DBH: variants seen among roughly 807,000 people sequenced by gnomAD.
DBH encodes dopamine beta-hydroxylase (dopamine beta-monooxygenase).
Under a neutral mutation model 64.0 loss-of-function variants are expected in DBH, and 49 were observed. The ratio of observed to expected loss-of-function variants is 0.77; its 90% CI spans 0.61 to 0.97. The LOEUF is 0.97. Among genes scored for constraint, DBH ranks in the 50% least tolerant of loss-of-function variants. The pLI is 0.00. For synonymous variants in DBH, 343 were observed against 347.1 expected, an observed-to-expected ratio of 0.99 and a Z score of 0.13; for missense variants, 828 against 826.6, an observed-to-expected ratio of 1.00 and a Z score of -0.02.
At chr9:133,656,458 A>C in intron 9 of DBH, 65 bp from the exon 10 acceptor site, 4 of 1,610,944 alleles carry the variant, frequency 2.5e-6, no homozygotes, top group Non-Finnish European at 3.4e-6. Flanking sequence ...GGTGCGGCGA[A>C]AGCTGCTGGA....
chr9:133,640,565 C>T (rs962472833), intron 2 of DBH, among the ~76,000 whole-genome samples: 2 of 152,258 alleles, frequency 1.3e-5, no homozygotes, highest in African/African-American at 2.4e-5. Flanking sequence ...GCCCCCCAAC[C>T]TCTTAGGGAA....
At chr9:133,656,368 C>T (rs1200222042) in intron 9 of DBH, 155 bp from the exon 10 acceptor site, 10 of 969,722 alleles carry the variant, frequency 1.0e-5, no homozygotes, top group African/African-American at 3.2e-5. Flanking sequence ...GGTGGCAATT[C>T]CTTGAGGGCA....
intron 6 of DBH, among the ~76,000 whole-genome samples, chr9:133,650,874 A>G (rs1326751573): frequency 6.6e-6 from 1 of 152,228 alleles, no homozygotes; most frequent in East Asian, 1.9e-4. Context: ...TATCTAAAAA[A>G]AGTTAGCATT....
intron 9 of DBH, chr9:133,655,906 C>T (rs1356484459): frequency 6.4e-6 from 1 of 157,010 alleles, no homozygotes; most frequent in Non-Finnish European, 1.4e-5. Flanking sequence ...AGTGGGGACT[C>T]AGAGGGTGCC....
At chr9:133,656,388 T>C in intron 9 of DBH, 135 bp from the exon 10 acceptor site, 1 of 1,247,878 alleles carries the variant, frequency 8.0e-7, no homozygotes. Flanking sequence ...AGGGACTCGG[T>C]TCCCCAGAGC....
At chr9:133,650,994 T>G (rs1832242031) in intron 6 of DBH, among the ~76,000 whole-genome samples, 1 of 152,248 alleles carries the variant, frequency 6.6e-6, no homozygotes, top group Non-Finnish European at 1.5e-5. Context: ...GCCTGCAGCC[T>G]CAGAGTGTCC....
intron 5 of DBH, among the ~76,000 whole-genome samples, chr9:133,644,984 T>C (rs571293241): frequency 1.3e-5 from 2 of 151,710 alleles, no homozygotes; most frequent in Non-Finnish European, 2.9e-5. Flanking sequence ...CATGTACACA[T>C]ATGCACGCAG....
At position 133,658,570 on chromosome 9, in the gene DBH, C is replaced by T; in HGVS notation, c.*123C>T. The T allele has an allele frequency of 8.6e-7, 1 of 1,159,000 alleles. No individual in the cohort carries two copies. Among genetic ancestry groups the T allele is most frequent in the Non-Finnish European group, 1.2e-6 (1 of 851,294 alleles). 71.8% of individuals were successfully genotyped at this position (1,159,000 alleles called of 1,614,324 possible). A position where few individuals can be genotyped will look rare whatever the true frequency, so the allele number is the denominator to read the frequency against. On this transcript the variant is annotated 3_prime_UTR_variant, in exon 12 of 12. Coordinates refer to ENST00000393056, the MANE Select transcript of DBH (RefSeq NM_000787.4). ...CACGCCCAGGATGAAGGGGCCAGAC[C>T]ACGCCCCTGCCTGAGACCACGGTCC... is the stretch of plus-strand genomic sequence containing the variant.
chr9:133,652,296 G>C lies in DBH; in HGVS notation c.1374+12G>C. 2 of 1,612,792 alleles carry C rather than the reference G, an allele frequency of 1.2e-6. No individual in the cohort carries two copies. Among genetic ancestry groups the C allele is most frequent in the Non-Finnish European group, 1.7e-6 (2 of 1,180,004 alleles). ...TGTCGGTCCATCCGGTGAGTGCCCA[G>C]CGGGAAGGCTGTCCCACTCACTGCC... On this transcript the variant is annotated intron_variant, in intron 8 of 11. Coordinates refer to ENST00000393056, the MANE Select transcript of DBH (RefSeq NM_000787.4).
intron 2 of DBH, among the ~76,000 whole-genome samples, chr9:133,641,294 T>C (rs1463212056): frequency 6.6e-6 from 1 of 152,170 alleles, no homozygotes; most frequent in Non-Finnish European, 1.5e-5. Flanking sequence ...GCAGACCTGG[T>C]GCCAGAAGAG....
At chr9:133,657,300 T>C (rs1424298165) in intron 11 of DBH, 71 bp downstream of exon 11, 5 of 1,584,292 alleles carry the variant, frequency 3.2e-6, no homozygotes, top group Non-Finnish European at 4.3e-6. Flanking sequence ...TGAGGGGTGA[T>C]GGGTCTGCAC....
intron 6 of DBH, among the ~76,000 whole-genome samples, chr9:133,650,436 TCTTTC>T (rs1354701565): frequency 1.3e-5 from 2 of 150,074 alleles, no homozygotes; most frequent in African/African-American, 5.0e-5. Context: ...TTTCTTTCCT[TCTTTC>T]CTTCTTTTCT....
chr9:133,656,310 G>A (rs1217346897), intron 9 of DBH: 3 of 595,116 alleles, frequency 5.0e-6, no homozygotes, highest in South Asian at 1.9e-5. Context: ...TACCTGATAC[G>A]AATTTCCTGG....
At chr9:133,644,630 A>G (rs1309706116) in intron 5 of DBH, among the ~76,000 whole-genome samples, 1 of 152,244 alleles carries the variant, frequency 6.6e-6, no homozygotes, top group African/African-American at 2.4e-5. Context: ...GGGAAAGGAC[A>G]AGGAGAATTT....
At chr9:133,649,669 G>T (rs186879731) in intron 6 of DBH, among the ~76,000 whole-genome samples, 2 of 152,330 alleles carry the variant, frequency 1.3e-5, no homozygotes, top group African/African-American at 4.8e-5. Context: ...TGTCCCAGAC[G>T]GGGGTGGACA....
intron 1 of DBH, among the ~76,000 whole-genome samples, chr9:133,638,862 G>A (rs1832082112): frequency 6.6e-6 from 1 of 152,172 alleles, no homozygotes; most frequent in South Asian, 2.1e-4. Flanking sequence ...GTCTCTCAGT[G>A]GGTCTCCCTG....
intron 8 of DBH, 77 bp downstream of exon 8, chr9:133,652,361 A>G: frequency 2.6e-6 from 4 of 1,531,680 alleles, no homozygotes; most frequent in Non-Finnish European, 3.6e-6. Context: ...GTGCCACCAG[A>G]AGGAGAGGGA....
intron 11 of DBH, chr9:133,657,441 AGGAGAGAGAGGAGAGAG>A (rs1832343407): frequency 4.8e-6 from 2 of 420,750 alleles, no homozygotes; most frequent in East Asian, 4.6e-5. Flanking sequence ...GAGGAGAGAG[AGGAGAGAGAGGAGAGAG>A]GGAGAGGGAG....
chr9:133,657,607 C>A (rs1398317822), intron 11 of DBH, among the ~76,000 whole-genome samples: 1 of 152,154 alleles, frequency 6.6e-6, no homozygotes, highest in African/African-American at 2.4e-5. Flanking sequence ...ATGCCAAATG[C>A]AGGTGGTGTG....
Sources: gnomAD v4.1 joint callset for allele counts (sites outside exome capture counted in the v4.1 genomes callset) on GRCh38, gnomAD v4.1.1 for gene constraint, MANE v1.5 for transcripts, NCBI Gene and HGNC (gene_info 2026-07-23, HGNC 2026-07-21) for gene names.